Variants in ARHGAP26 observed in about 807,000 individuals in gnomAD.
The protein encoded by ARHGAP26 is rho GTPase-activating protein 26.
A neutral mutation model predicts 104.8 loss-of-function variants in ARHGAP26; 38 were observed. That is an observed-to-expected ratio of 0.36 (90% CI 0.28 to 0.48). The LOEUF (loss-of-function observed/expected upper bound fraction) is 0.48, where lower values mean the gene tolerates loss of function less well. Among genes scored for constraint, ARHGAP26 ranks in the 20% least tolerant of loss-of-function variants. The probability of loss-of-function intolerance (pLI) is 0.99; values close to 1 mark genes in which losing one functional copy is unlikely to be tolerated. For missense variants in ARHGAP26, 704 were observed against 947.9 expected (o/e 0.74, Z 3.38); for synonymous variants, 341 against 340.0 (o/e 1.00, Z -0.03).
intron 4 of ARHGAP26, among the ~76,000 whole-genome samples, chr5:142,881,863 C>T (rs913017217): frequency 1.8e-4 from 26 of 147,552 alleles, no homozygotes; most frequent in African/African-American, 6.1e-4. Context: ...TTACTTTTTC[C>T]TCCTCCTCCA....
At chr5:142,910,456 A>G (rs1423882648) in intron 9 of ARHGAP26, among the ~76,000 whole-genome samples, 1 of 152,348 alleles carries the variant, frequency 6.6e-6, no homozygotes, top group South Asian at 2.1e-4. Context: ...ATAGAGACCG[A>G]GGCCGGATGT....
intron 1 of ARHGAP26, among the ~76,000 whole-genome samples, chr5:142,793,092 C>T (rs923488298): frequency 3.3e-5 from 5 of 151,962 alleles, no homozygotes; most frequent in South Asian, 4.2e-4. Flanking sequence ...CTCCTGCCCT[C>T]GAGTAGTGGG....
intron 17 of ARHGAP26, among the ~76,000 whole-genome samples, chr5:143,092,213 G>T (rs1181673786): frequency 6.9e-6 from 1 of 145,732 alleles, no homozygotes; most frequent in African/African-American, 2.5e-5. Flanking sequence ...GCCCAGGCTG[G>T]AGTGCAGTGG....
chr5:142,931,343 A>G (rs1764689296), intron 10 of ARHGAP26, among the ~76,000 whole-genome samples: 1 of 152,042 alleles, frequency 6.6e-6, no homozygotes, highest in Non-Finnish European at 1.5e-5. Flanking sequence ...GCGGAGTACC[A>G]TTTGTGATGG....
chr5:142,974,531 C>T (rs901781819), intron 11 of ARHGAP26, among the ~76,000 whole-genome samples: 1 of 152,174 alleles, frequency 6.6e-6, no homozygotes, highest in African/African-American at 2.4e-5. Flanking sequence ...AGTAACTCTA[C>T]AAACTGATGA....
Position 142,847,413 on chromosome 5 carries a change from A to C in ARHGAP26, c.155-25987A>C, listed in dbSNP as rs187040052. Among the ~76,000 whole-genome samples the C allele has an allele frequency of 5.3e-3, 809 of 151,552 alleles. 6 individuals are homozygous for C. The highest frequency in any genetic ancestry group is 0.018 in the African/African-American group (750 of 41,276). ...GCTCTTGTTGCCCGGGCTGGAGTGC[A>C]ATGGCGCGATCTCGGCTCACAGCAA... is the stretch of plus-strand genomic sequence containing the variant. On this transcript the variant is annotated intron_variant, in intron 1 of 22. Transcript: ENST00000645722.
chr5:143,094,157 CCCCTGCGGTTTCTTTCTCCTT>C, intron 17 of ARHGAP26, among the ~76,000 whole-genome samples: 1 of 152,236 alleles, frequency 6.6e-6, no homozygotes, highest in Non-Finnish European at 1.5e-5. Flanking sequence ...TGCTTTACCG[CCCCTGCGGTTTCTTTCTCCTT>C]AGTATGTCCT....
At chr5:142,778,770 C>G (rs1460481994) in intron 1 of ARHGAP26, among the ~76,000 whole-genome samples, 1 of 152,106 alleles carries the variant, frequency 6.6e-6, no homozygotes, top group Non-Finnish European at 1.5e-5. Context: ...TTTACAAGCC[C>G]TTTGACATCT....
chr5:143,054,844 A>G (rs1233027534), intron 15 of ARHGAP26, among the ~76,000 whole-genome samples: 2 of 152,394 alleles, frequency 1.3e-5, no homozygotes, highest in Admixed American at 1.3e-4. Flanking sequence ...TAAGAACACA[A>G]GGAATCATGA....
At chr5:142,992,886 T>A (rs961351487) in intron 11 of ARHGAP26, among the ~76,000 whole-genome samples, 3 of 152,238 alleles carry the variant, frequency 2.0e-5, no homozygotes, top group African/African-American at 7.2e-5. Context: ...TGAGCACAAC[T>A]GTAAGTGAGC....
chr5:142,952,624 G>A (rs1242794479), intron 11 of ARHGAP26, among the ~76,000 whole-genome samples: 1 of 152,072 alleles, frequency 6.6e-6, no homozygotes, highest in Non-Finnish European at 1.5e-5. Flanking sequence ...CTATTCAAAG[G>A]TACTTATATT....
intron 17 of ARHGAP26, among the ~76,000 whole-genome samples, chr5:143,065,698 C>T (rs547469391): frequency 1.3e-5 from 2 of 152,274 alleles, no homozygotes; most frequent in African/African-American, 2.4e-5. Flanking sequence ...GTGTGGGCTC[C>T]GCTGCCCTTC....
intron 18 of ARHGAP26, 56 bp from the exon 19 acceptor site, chr5:143,133,911 T>A: frequency 3.9e-6 from 6 of 1,533,364 alleles, no homozygotes; most frequent in Non-Finnish European, 5.3e-6. Flanking sequence ...GCTTCAGGCC[T>A]GTTTTCTTCC....
intron 1 of ARHGAP26, among the ~76,000 whole-genome samples, chr5:142,815,065 ATC>A (rs1244661935): frequency 6.6e-6 from 1 of 152,138 alleles, no homozygotes; most frequent in Non-Finnish European, 1.5e-5. Flanking sequence ...GGGTGGCATG[ATC>A]TCGGCTCACT....
At chr5:143,070,525 C>T (rs376700072) in intron 17 of ARHGAP26, among the ~76,000 whole-genome samples, 1 of 152,200 alleles carries the variant, frequency 6.6e-6, no homozygotes, top group East Asian at 1.9e-4. Flanking sequence ...AATGGAAAGA[C>T]ACCCCATGCT....
intron 20 of ARHGAP26, among the ~76,000 whole-genome samples, chr5:143,183,042 T>C (rs1804609219): frequency 6.9e-6 from 1 of 145,010 alleles, no homozygotes; most frequent in Non-Finnish European, 1.5e-5. Context: ...TTAGGGTTAT[T>C]CTCCTTATGC....
At chr5:142,926,521 G>C (rs1763921730) in intron 10 of ARHGAP26, among the ~76,000 whole-genome samples, 1 of 152,266 alleles carries the variant, frequency 6.6e-6, no homozygotes, top group African/African-American at 2.4e-5. Context: ...AGATTTTTTA[G>C]AATTTGCCAA....
chr5:143,082,855 T>C (rs1743438732), intron 17 of ARHGAP26, among the ~76,000 whole-genome samples: 1 of 152,238 alleles, frequency 6.6e-6, no homozygotes, highest in South Asian at 2.1e-4. Context: ...ATGGCTTCTG[T>C]TTAAAAGAGT....
intron 20 of ARHGAP26, among the ~76,000 whole-genome samples, chr5:143,189,449 C>T (rs1805597259): frequency 6.6e-6 from 1 of 152,196 alleles, no homozygotes; most frequent in Admixed American, 6.5e-5. Flanking sequence ...CAGGCACCTG[C>T]TTTCACACTG....
Sources: allele counts gnomAD v4.1 joint callset (sites outside exome capture counted in the v4.1 genomes callset), GRCh38; gene constraint gnomAD v4.1.1; transcripts MANE v1.5; gene names NCBI Gene and HGNC (gene_info 2026-07-23, HGNC 2026-07-21).